The following SUSD6 variants were observed in gnomAD, a reference collection of about 807,000 sequenced individuals.
The protein encoded by SUSD6 is sushi domain containing 6.
In SUSD6, 16 loss-of-function variants were observed where a neutral mutation model predicts 28.4. That is an observed-to-expected ratio of 0.56 (90% confidence interval 0.38 to 0.86). SUSD6 has a LOEUF of 0.86. Among genes scored for constraint, SUSD6 ranks in the 40% least tolerant of loss-of-function variants. SUSD6 has a pLI of 0.00. For synonymous variants in SUSD6, 147 were observed against 159.6 expected (o/e 0.92, Z 0.59); for missense variants, 341 against 384.2 (o/e 0.89, Z 0.94).
Position 69,708,771 on chromosome 14 carries a change from T to C in SUSD6, c.553T>C (p.Ser185Pro), listed in dbSNP as rs765907453. The change falls in exon 5 of 6, where the codon TCT (serine) becomes CCT (proline). Residue 185 changes from serine (S) to proline (P), a missense_variant. Coordinates refer to ENST00000342745, the MANE Select transcript of SUSD6 (RefSeq NM_014734.4). ...PSYEEAVYGS[S>P]GHCVPPADPR... is the part of the protein sequence containing the mutation. The stretch of plus-strand genomic sequence containing the variant: ...ATACGAGGAGGCTGTATATGGCAGT[T>C]CTGGTCACTGTGTGCCACCTGCTGA... 6.2e-7 allele frequency: 1 copy of C among 1,614,050 alleles called. No homozygotes were observed. The highest frequency in any genetic ancestry group is 1.3e-5 in the African/African-American group (1 of 74,936).
intron 1 of SUSD6, among the ~76,000 whole-genome samples, chr14:69,619,857 C>G (rs1368833895): frequency 6.6e-6 from 1 of 152,162 alleles, no homozygotes; most frequent in African/African-American, 2.4e-5. Flanking sequence ...ACACCTACAC[C>G]CCATTAACCT....
chr14:69,688,993 A>G (rs1462811315), intron 2 of SUSD6, among the ~76,000 whole-genome samples: 1 of 152,280 alleles, frequency 6.6e-6, no homozygotes, highest in African/African-American at 2.4e-5. Flanking sequence ...ACCTGGAAAC[A>G]TTTGCTAACT....
intron 2 of SUSD6, among the ~76,000 whole-genome samples, chr14:69,696,873 G>A (rs937497196): frequency 5.3e-5 from 8 of 152,200 alleles, no homozygotes; most frequent in African/African-American, 1.4e-4. Context: ...AATTCAGGGC[G>A]AGTCCACAGA....
At chr14:69,710,651 A>G (rs529533445) in intron 5 of SUSD6, among the ~76,000 whole-genome samples, 1 of 152,292 alleles carries the variant, frequency 6.6e-6, no homozygotes, top group South Asian at 2.1e-4. Context: ...TTGTAGCCTC[A>G]TAGGGTGGAA....
intron 1 of SUSD6, among the ~76,000 whole-genome samples, chr14:69,656,661 AG>A (rs545425416): frequency 3.3e-3 from 153 of 45,814 alleles, no homozygotes; most frequent in African/African-American, 5.5e-3. Context: ...GCACTTTGCC[AG>A]GCACTTTGTC....
At chr14:69,614,826 C>T (rs1388213866) in intron 1 of SUSD6, among the ~76,000 whole-genome samples, 1 of 152,244 alleles carries the variant, frequency 6.6e-6, no homozygotes, top group Non-Finnish European at 1.5e-5. Flanking sequence ...ACGTGGTTGT[C>T]TTTCCCCTCT....
At chr14:69,616,021 T>G (rs1292361344) in intron 1 of SUSD6, among the ~76,000 whole-genome samples, 1 of 152,206 alleles carries the variant, frequency 6.6e-6, no homozygotes, top group Non-Finnish European at 1.5e-5. Flanking sequence ...CACAAGTGTT[T>G]TATTTTATTT....
chr14:69,614,871 C>A (rs1177950494), intron 1 of SUSD6, among the ~76,000 whole-genome samples: 2 of 152,228 alleles, frequency 1.3e-5, no homozygotes, highest in Non-Finnish European at 2.9e-5. Context: ...TTCACACTTG[C>A]AGGCCCGAAT....
Position 69,712,552 on chromosome 14 carries a change from TC to T in SUSD6, c.*1574del, listed in dbSNP as rs1260552032. On this transcript the variant is annotated 3_prime_UTR_variant, in exon 6 of 6. Coordinates refer to ENST00000342745, the MANE Select transcript of SUSD6 (RefSeq NM_014734.4). ...CATGTCTGCTCCTCCCCTGAGCCTG[TC>T]TGCTTGGGGGTGGTAAAAATAAAAA... 2.6e-5 allele frequency: 4 copies of T among 152,222 alleles called. No homozygotes were observed. The highest frequency in any genetic ancestry group is 9.7e-5 in the African/African-American group (4 of 41,442). 9.4% of individuals were successfully genotyped at this position (152,222 alleles called of 1,614,324 possible).
chr14:69,694,110 C>A (rs1886190416), intron 2 of SUSD6, among the ~76,000 whole-genome samples: 1 of 152,150 alleles, frequency 6.6e-6, no homozygotes, highest in African/African-American at 2.4e-5. Flanking sequence ...ATGAGCAGAA[C>A]AAGTCTCTGC....
At chr14:69,674,956 C>G (rs572931635) in intron 2 of SUSD6, among the ~76,000 whole-genome samples, 15 of 152,240 alleles carry the variant, frequency 9.9e-5, no homozygotes, top group Admixed American at 4.6e-4. Flanking sequence ...AATCAGCAGG[C>G]TTTTGATGAT....
chr14:69,711,039 T>C lies in SUSD6; in HGVS notation c.*60T>C. 6.5e-7 allele frequency: 1 copy of C among 1,544,226 alleles called. No homozygotes were observed. Among genetic ancestry groups the C allele is most frequent in the Non-Finnish European group, 9.0e-7 (1 of 1,116,326 alleles). ...TCTCAGCCCTTCCTCCCTCTCCCTG[T>C]GGGATTGAGCACCCTGTACTCTCCA... is the stretch of plus-strand genomic sequence containing the variant. On this transcript the variant is annotated 3_prime_UTR_variant, in exon 6 of 6. Transcript: ENST00000342745.
intron 2 of SUSD6, among the ~76,000 whole-genome samples, chr14:69,684,771 C>T (rs921152245): frequency 8.5e-5 from 13 of 152,248 alleles, no homozygotes; most frequent in African/African-American, 2.9e-4. Context: ...CCTTGACTTC[C>T]CCTGCCAGGA....
intron 2 of SUSD6, among the ~76,000 whole-genome samples, chr14:69,693,510 T>C (rs1282848007): frequency 6.6e-6 from 1 of 152,136 alleles, no homozygotes; most frequent in Non-Finnish European, 1.5e-5. Flanking sequence ...TCCTGCTCTG[T>C]TTTCTGCCTG....
At chr14:69,709,847 A>G (rs1165764072) in intron 5 of SUSD6, among the ~76,000 whole-genome samples, 1 of 152,230 alleles carries the variant, frequency 6.6e-6, no homozygotes, top group Non-Finnish European at 1.5e-5. Context: ...GTAAATCCCA[A>G]TGTAGTTCAG....
At position 69,643,920 on chromosome 14, in the gene SUSD6, G is replaced by C. The variant is rs547726940; in HGVS notation, c.-80-14593G>C. 2.6e-5 allele frequency among the ~76,000 whole-genome samples: 4 copies of C among 152,292 alleles called. No individual in the cohort carries two copies. In the South Asian group the frequency reaches 8.3e-4, roughly 32 times the overall value. ...GAATTCCCTTTTGTGTGACTCCAGA[G>C]ACTATGTACTATTCACTAGACTACA... On this transcript the variant is annotated intron_variant, in intron 1 of 5. Transcript: ENST00000342745.
At chr14:69,663,290 C>T (rs562609793) in intron 2 of SUSD6, among the ~76,000 whole-genome samples, 9 of 152,268 alleles carry the variant, frequency 5.9e-5, no homozygotes, top group African/African-American at 2.2e-4. Flanking sequence ...TAAAATGTTG[C>T]CATGACATGT....
chr14:69,691,764 G>C (rs1404865079), intron 2 of SUSD6, among the ~76,000 whole-genome samples: 1 of 152,106 alleles, frequency 6.6e-6, no homozygotes, highest in Non-Finnish European at 1.5e-5. Flanking sequence ...TCTCAGCCAG[G>C]CTTGGTGGCT....
chr14:69,656,941 G>A (rs1242761256), intron 1 of SUSD6, among the ~76,000 whole-genome samples: 1 of 152,196 alleles, frequency 6.6e-6, no homozygotes, highest in East Asian at 1.9e-4. Flanking sequence ...CAGTTTTAAA[G>A]GCTCAAACTG....
Sources: allele counts gnomAD v4.1 joint callset (sites outside exome capture counted in the v4.1 genomes callset), GRCh38; gene constraint gnomAD v4.1.1; transcripts MANE v1.5; gene names NCBI Gene and HGNC (gene_info 2026-07-23, HGNC 2026-07-21).